Variants in METTL15 observed in about 807,000 individuals in gnomAD.
METTL15 encodes the protein 12S rRNA N(4)-cytidine methyltransferase METTL15.
In METTL15, 34 loss-of-function variants were observed where a neutral mutation model predicts 38.3. That is an observed-to-expected ratio of 0.89 (90% CI 0.68 to 1.18). The LOEUF is 1.18. Ranked by LOEUF, METTL15 falls within the 50% of genes most tolerant of loss-of-function variation. METTL15 has a pLI of 0.00. For synonymous variants in METTL15, 162 were observed against 170.9 expected (o/e 0.95, Z 0.41); for missense variants, 438 against 498.4 (o/e 0.88, Z 1.15).
chr11:28,341,097 A>C (rs530086400), intron 3 of METTL15, among the ~76,000 whole-genome samples: 51 of 151,848 alleles, frequency 3.4e-4, no homozygotes, highest in Non-Finnish European at 6.2e-4. Context: ...ACATGTTCTC[A>C]CTCATAAGTG....
intron 3 of METTL15, among the ~76,000 whole-genome samples, chr11:28,129,523 C>G (rs980971080): frequency 7.2e-5 from 11 of 151,956 alleles, no homozygotes; most frequent in Admixed American, 7.2e-4. Context: ...GATTCTCCCT[C>G]CTTAGTCTCC....
intron 5 of METTL15, among the ~76,000 whole-genome samples, chr11:28,404,892 AT>A (rs1850661427): frequency 6.6e-6 from 1 of 152,116 alleles, no homozygotes; most frequent in Admixed American, 6.6e-5. Flanking sequence ...TAGCATCATT[AT>A]TAAAAATACT....
At chr11:28,419,698 C>A (rs1395978766) in intron 5 of METTL15, among the ~76,000 whole-genome samples, 1 of 152,082 alleles carries the variant, frequency 6.6e-6, no homozygotes, top group Admixed American at 6.5e-5. Context: ...CCTGGACAGA[C>A]AGAGATATGT....
At chr11:28,509,580 C>T (rs1359756654) in intron 6 of METTL15, among the ~76,000 whole-genome samples, 1 of 151,722 alleles carries the variant, frequency 6.6e-6, no homozygotes, top group Non-Finnish European at 1.5e-5. Flanking sequence ...GATTCTTGGG[C>T]AGAAAAGCAG....
chr11:28,214,039 A>T (rs1236402475), intron 4 of METTL15, among the ~76,000 whole-genome samples: 1 of 151,994 alleles, frequency 6.6e-6, no homozygotes, highest in Non-Finnish European at 1.5e-5. Flanking sequence ...CATGATTTTA[A>T]TACCCATCTT....
At chr11:28,129,410 T>C (rs1852654450) in intron 3 of METTL15, among the ~76,000 whole-genome samples, 1 of 151,338 alleles carries the variant, frequency 6.6e-6, no homozygotes, top group Non-Finnish European at 1.5e-5. Flanking sequence ...AAAATTACTT[T>C]TTTTTTTTTT....
intron 6 of METTL15, among the ~76,000 whole-genome samples, chr11:28,325,985 A>G (rs1849622642): frequency 6.6e-6 from 1 of 152,232 alleles, no homozygotes; most frequent in African/African-American, 2.4e-5. Flanking sequence ...TATAACACAC[A>G]AAAAGGAGAT....
chr11:28,233,691 C>A (rs894608936), intron 4 of METTL15, among the ~76,000 whole-genome samples: 12 of 152,034 alleles, frequency 7.9e-5, no homozygotes, highest in Admixed American at 7.2e-4. Flanking sequence ...GTCAGTCACT[C>A]AGCTAACATC....
At chr11:28,438,517 C>A (rs1019590503) in intron 6 of METTL15, among the ~76,000 whole-genome samples, 2 of 152,138 alleles carry the variant, frequency 1.3e-5, no homozygotes, top group Non-Finnish European at 2.9e-5. Flanking sequence ...CAGACTTTAT[C>A]ATCTGACTGA....
chr11:28,118,796 A>G (rs1181452258), intron 3 of METTL15, among the ~76,000 whole-genome samples: 1 of 152,172 alleles, frequency 6.6e-6, no homozygotes, highest in East Asian at 1.9e-4. Context: ...CAGATTCCTT[A>G]TCTGTAAAAT....
intron 5 of METTL15, among the ~76,000 whole-genome samples, chr11:28,384,622 A>G (rs559500271): frequency 6.6e-6 from 1 of 152,082 alleles, no homozygotes; most frequent in South Asian, 2.1e-4. Flanking sequence ...ATGTGTCTTT[A>G]TGATAGAATG....
At chr11:28,400,781 A>T (rs531690039) in intron 5 of METTL15, among the ~76,000 whole-genome samples, 3 of 151,948 alleles carry the variant, frequency 2.0e-5, no homozygotes, top group South Asian at 2.1e-4. Context: ...GATGGGTCTC[A>T]TAATGCTTCC....
Position 28,347,352 on chromosome 11 carries a change from G to A in METTL15, c.*190-4738G>A, listed in dbSNP as rs527895296. ...CATTTACTTTGGCTGAAGGATTCAT[G>A]AATGGTTTTGCTGAACATACGACCC... On this transcript the variant is annotated intron_variant and NMD_transcript_variant, in intron 3 of 7. Transcript: ENST00000532947. Among the ~76,000 whole-genome samples, 9 of 152,320 alleles carry A rather than the reference G, an allele frequency of 5.9e-5. No individual in the cohort carries two copies. The South Asian group carries it at 1.9e-3, about 32-fold the overall frequency.
At chr11:28,149,800 C>G (rs763611120) in intron 3 of METTL15, among the ~76,000 whole-genome samples, 18 of 151,776 alleles carry the variant, frequency 1.2e-4, no homozygotes, top group Non-Finnish European at 2.1e-4. Context: ...TAAAAAAGCA[C>G]TATAACAAAA....
At chr11:28,326,140 C>T (rs1300385057) in intron 6 of METTL15, among the ~76,000 whole-genome samples, 1 of 152,130 alleles carries the variant, frequency 6.6e-6, no homozygotes, top group East Asian at 1.9e-4. Context: ...TTTCTGATAA[C>T]AGTATATGGG....
chr11:28,284,652 T>A (rs1459281644), intron 4 of METTL15, among the ~76,000 whole-genome samples: 3 of 152,184 alleles, frequency 2.0e-5, no homozygotes, highest in Non-Finnish European at 4.4e-5. Context: ...ATTTAGGCAA[T>A]GTAAGTCAAC....
chr11:28,378,685 T>A (rs1251057703), intron 5 of METTL15, among the ~76,000 whole-genome samples: 2 of 151,958 alleles, frequency 1.3e-5, no homozygotes, highest in African/African-American at 4.8e-5. Context: ...CCTCCACCTG[T>A]TGTGTTCTTA....
chr11:28,313,394 CATGAATTCATAAAT>C (rs2134030913), intron 6 of METTL15, among the ~76,000 whole-genome samples: 1 of 151,536 alleles, frequency 6.6e-6, no homozygotes, highest in African/African-American at 2.4e-5. Flanking sequence ...TCATAAAGAT[CATGAATTCATAAAT>C]ATGAATTCAT....
At chr11:28,191,444 A>G (rs1473823974) in intron 3 of METTL15, among the ~76,000 whole-genome samples, 2 of 151,524 alleles carry the variant, frequency 1.3e-5, no homozygotes, top group Admixed American at 6.6e-5. Context: ...TTTATGCTTT[A>G]TATAAATGTA....
Sources: allele counts gnomAD v4.1 joint callset (sites outside exome capture counted in the v4.1 genomes callset), GRCh38; gene constraint gnomAD v4.1.1; transcripts MANE v1.5; gene names NCBI Gene and HGNC (gene_info 2026-07-23, HGNC 2026-07-21).